CORO1C: variants seen among roughly 807,000 people sequenced by gnomAD.
The protein encoded by CORO1C is coronin-1C.
In CORO1C, 14 loss-of-function variants were observed where a neutral mutation model predicts 51.2. The observed-to-expected ratio is 0.27, with a 90% CI of 0.18 to 0.43. The LOEUF (loss-of-function observed/expected upper bound fraction) is 0.43. CORO1C is among the 20% of genes least tolerant of loss of function. CORO1C has a pLI of 1.00. For missense variants in CORO1C, 417 were observed against 607.8 expected (o/e 0.69, Z 3.30); for synonymous variants, 181 against 210.5 (o/e 0.86, Z 1.21).
At position 108,674,453 on chromosome 12, in the gene CORO1C, C is replaced by T. The variant is rs1238823314; in HGVS notation, c.318+3819G>A. Among the ~76,000 whole-genome samples, 3 of 151,462 alleles carry T rather than the reference C, an allele frequency of 2.0e-5. No individual in the cohort carries two copies. In the East Asian group the frequency reaches 5.8e-4, roughly 29 times the overall value. ...GTCCCAGCTACTCGGAGGGCTGAGG[C>T]AGGAGAATCGCTTGAACCCAGGAGG... On this transcript the variant is annotated intron_variant, in intron 3 of 10. Coordinates refer to ENST00000261401, the MANE Select transcript of CORO1C (RefSeq NM_014325.4).
chr12:108,693,960 C>T (rs150155334), intron 2 of CORO1C, among the ~76,000 whole-genome samples: 9 of 152,260 alleles, frequency 5.9e-5, no homozygotes, highest in African/African-American at 1.9e-4. Context: ...GCACAAAGCA[C>T]CCCCCTGGAG....
rs542522352 is a variant in CORO1C at position 108,699,848 on chromosome 12, T to A, written c.195+1276A>T. On this transcript the variant is annotated intron_variant, in intron 2 of 10. Coordinates refer to ENST00000261401, the MANE Select transcript of CORO1C (RefSeq NM_014325.4). ...AAGAAGGTACATTTGAAAACACGTA[T>A]CAAATTTGTTCCCCAAAGGCACCCA... 9.8e-5 allele frequency among the ~76,000 whole-genome samples: 15 copies of A among 152,324 alleles called. No homozygotes were observed. In the East Asian group the frequency reaches 1.9e-3, roughly 20 times the overall value.
Position 108,652,405 on chromosome 12 carries a change from T to C in CORO1C, c.868A>G (p.Ile290Val), listed in dbSNP as rs1338951699. The stretch of plus-strand genomic sequence containing the variant: ...TCATCCGTGATCTCAAAATAGCGAA[T>C]ACTGCTGTCACCCTGTAAGAAACCA... ...IYLCGKGDSS[I>V]RYFEITDESP... The change falls in exon 8 of 11, where the codon ATT (isoleucine) becomes GTT (valine). Residue 290 changes from isoleucine (I) to valine (V), a missense_variant. Physicochemically the swap from Ile to Val is conservative, Grantham distance 29 (BLOSUM62 3). Transcript: ENST00000261401. 43 of 1,613,672 alleles carry C rather than the reference T, an allele frequency of 2.7e-5. No homozygotes were observed. Among genetic ancestry groups the C allele is most frequent in the Non-Finnish European group, 3.5e-5 (41 of 1,179,608 alleles).
chr12:108,712,570 CAAAAAAAAAAAAA>C (rs138128974), intron 1 of CORO1C, among the ~76,000 whole-genome samples: 3 of 66,536 alleles, frequency 4.5e-5, no homozygotes, highest in East Asian at 9.2e-4. Context: ...GAAACTGTCT[CAAAAAAAAAAAAA>C]AAAAAAAAAG....
At chr12:108,678,117 G>T (rs759506129) in intron 3 of CORO1C, among the ~76,000 whole-genome samples, 155 bp downstream of exon 3, 6 of 152,082 alleles carry the variant, frequency 3.9e-5, no homozygotes, top group African/African-American at 1.4e-4. Flanking sequence ...AAACTTAAAC[G>T]TAGTAAATTA....
intron 2 of CORO1C, among the ~76,000 whole-genome samples, chr12:108,693,880 G>C (rs982265348): frequency 1.3e-5 from 2 of 151,906 alleles, no homozygotes; most frequent in African/African-American, 4.8e-5. Context: ...AACCTTCTCT[G>C]TGATGTCTTC....
At chr12:108,671,494 GAA>G (rs1048576423) in intron 3 of CORO1C, among the ~76,000 whole-genome samples, 1 of 124,590 alleles carries the variant, frequency 8.0e-6, no homozygotes, top group African/African-American at 3.0e-5. Flanking sequence ...TGTAATGCAA[GAA>G]AAAAAAAAAA....
At chr12:108,673,854 T>C (rs1355465773) in intron 3 of CORO1C, among the ~76,000 whole-genome samples, 3 of 152,032 alleles carry the variant, frequency 2.0e-5, no homozygotes, top group Non-Finnish European at 2.9e-5. Flanking sequence ...ATTGTGCACA[T>C]GTACCCTAAA....
rs2033121485 is a variant in CORO1C, at chr12:108,658,509, GA to G, written c.630+228del. Among the ~76,000 whole-genome samples the G allele has an allele frequency of 6.6e-6, 1 of 152,108 alleles. No individual in the cohort carries two copies. ...GAACTGATACAAACTATTTCTTTGT[GA>G]AAAAAGGCTACAAAGTGAGAGACTT... On this transcript the variant is annotated intron_variant, in intron 5 of 10. Coordinates refer to ENST00000261401, the MANE Select transcript of CORO1C (RefSeq NM_014325.4). The surrounding 1 kb of genome is among the most constrained non-coding windows in gnomAD (Gnocchi z 4.9).
intron 3 of CORO1C, among the ~76,000 whole-genome samples, chr12:108,674,330 C>T (rs540789631): frequency 1.2e-4 from 19 of 152,038 alleles, no homozygotes; most frequent in Admixed American, 2.0e-4. Context: ...GGGCGGATCG[C>T]GAGATCAGGA....
At chr12:108,730,256 G>C (rs1339693588) in intron 1 of CORO1C, 1 of 152,190 alleles carries the variant, frequency 6.6e-6, no homozygotes, top group Non-Finnish European at 1.5e-5. Context: ...CCTACATTAC[G>C]GCCAAATATA....
At chr12:108,659,522 AT>A (rs1226371812) in intron 4 of CORO1C, among the ~76,000 whole-genome samples, 1 of 152,222 alleles carries the variant, frequency 6.6e-6, no homozygotes, top group African/African-American at 2.4e-5. Flanking sequence ...TCCGAAAGAT[AT>A]TTCTGTGCAC....
intron 1 of CORO1C, among the ~76,000 whole-genome samples, chr12:108,705,053 C>T (rs1592932618): frequency 6.6e-6 from 1 of 152,278 alleles, no homozygotes; most frequent in South Asian, 2.1e-4. Flanking sequence ...TAAATACTAG[C>T]TACTATTGTC....
intron 3 of CORO1C, among the ~76,000 whole-genome samples, chr12:108,678,025 A>G (rs949575478): frequency 6.6e-6 from 1 of 152,082 alleles, no homozygotes; most frequent in African/African-American, 2.4e-5. Context: ...TCTCAAAAAA[A>G]AAAAAGAAAA....
At position 108,673,016 on chromosome 12, in the gene CORO1C, C is replaced by T. The variant is rs546173690; in HGVS notation, c.318+5256G>A. On this transcript the variant is annotated intron_variant, in intron 3 of 10. Transcript: ENST00000261401. ...ACATTGAAATTAGGCCAATTAATAA[C>T]CCTAAATGACCTTTAAGTGTTTGGG... Among the ~76,000 whole-genome samples, 98 of 152,248 alleles carry T rather than the reference C, an allele frequency of 6.4e-4. 2 individuals are homozygous for T. The South Asian group carries it at 0.02, about 31-fold the overall frequency.
intron 7 of CORO1C, 127 bp from the exon 8 acceptor site, chr12:108,652,544 C>T: frequency 1.4e-6 from 1 of 711,290 alleles, no homozygotes; most frequent in Non-Finnish European, 2.4e-6. Flanking sequence ...CCTTTTCTTC[C>T]TCATAAAGAG....
intron 2 of CORO1C, among the ~76,000 whole-genome samples, chr12:108,683,216 G>A (rs1163441346): frequency 2.0e-5 from 3 of 151,970 alleles, no homozygotes; most frequent in South Asian, 2.1e-4. Context: ...TTAGGAGTTC[G>A]GGACCAGCCT....
rs1172148202 is a variant in CORO1C, at chr12:108,731,300, T to TGTCCCCTCCACCTAGCCC, written c.-6+111_-6+128dup. 1 of 144,238 alleles carries TGTCCCCTCCACCTAGCCC rather than the reference T, an allele frequency of 6.9e-6. No individual in the cohort carries two copies. The highest frequency in any genetic ancestry group is 1.5e-5 in the Non-Finnish European group (1 of 66,574). The allele number at this position is 144,238 out of a possible 1,614,324, so 8.9% of individuals were successfully genotyped here. On this transcript the variant is annotated intron_variant, in intron 1 of 10. Coordinates refer to ENST00000261401, the MANE Select transcript of CORO1C (RefSeq NM_014325.4). The surrounding 1 kb of genome is among the most constrained non-coding windows in gnomAD (Gnocchi z 5.2). The stretch of plus-strand genomic sequence containing the variant: ...CGCGCCCCGCGCGCCCACCCAGCAC[T>TGTCCCCTCCACCTAGCCC]GTCCCCTCCACCTAGCCCTGCCCCT...
chr12:108,712,913 T>TAA (rs142742201), intron 1 of CORO1C, among the ~76,000 whole-genome samples: 53,786 of 127,694 alleles, frequency 0.42, 12,054 homozygotes, highest in East Asian at 0.9. Flanking sequence ...CATGTCTCTT[T>TAA]AAAAAAAAAA....
Sources: gnomAD v4.1 joint callset for allele counts (sites outside exome capture counted in the v4.1 genomes callset) on GRCh38, gnomAD v4.1.1 for gene constraint, Gnocchi (gnomAD v3.1) non-coding constraint, MANE v1.5 for transcripts, NCBI Gene and HGNC (gene_info 2026-07-23, HGNC 2026-07-21) for gene names.